PTPRN2: variants seen among roughly 807,000 people sequenced by gnomAD.
PTPRN2 encodes the protein receptor-type tyrosine-protein phosphatase N2.
Under a neutral mutation model 118.8 loss-of-function variants are expected in PTPRN2, and 74 were observed. The observed-to-expected ratio is 0.62, with a 90% CI of 0.52 to 0.76. The LOEUF (loss-of-function observed/expected upper bound fraction) is 0.76, where lower values mean the gene tolerates loss of function less well. Ranked by LOEUF, PTPRN2 falls within the 30% of genes least tolerant of loss-of-function variation. The probability of loss-of-function intolerance (pLI) is 0.00; values close to 1 mark genes in which losing one functional copy is unlikely to be tolerated. For synonymous variants in PTPRN2, 641 were observed against 608.0 expected (o/e 1.05, Z -0.80); for missense variants, 1,481 against 1,394.4 (o/e 1.06, Z -0.99).
chr7:158,251,507 C>T (rs1482875739), intron 3 of PTPRN2, among the ~76,000 whole-genome samples: 2 of 144,568 alleles, frequency 1.4e-5, no homozygotes, highest in Non-Finnish European at 3.0e-5. Flanking sequence ...TGCAGGTGTG[C>T]AATGGATGTA....
intron 2 of PTPRN2, among the ~76,000 whole-genome samples, chr7:158,345,281 A>G (rs1164951743): frequency 2.0e-5 from 3 of 152,224 alleles, no homozygotes; most frequent in Non-Finnish European, 4.4e-5. Flanking sequence ...CTCCTGGCCA[A>G]CGGGAAGACA....
intron 3 of PTPRN2, among the ~76,000 whole-genome samples, chr7:158,305,502 C>T (rs1044186870): frequency 2.0e-5 from 3 of 152,016 alleles, no homozygotes; most frequent in African/African-American, 4.8e-5. Context: ...ATAAAACAGA[C>T]GGAGCAACTA....
intron 11 of PTPRN2, among the ~76,000 whole-genome samples, chr7:157,960,631 C>T (rs1024195719): frequency 6.6e-6 from 1 of 152,142 alleles, no homozygotes; most frequent in African/African-American, 2.4e-5. Flanking sequence ...AAAAATTATT[C>T]ATCCGTTAAA....
rs757284599 is a variant in PTPRN2, at chr7:158,226,689, TTTC to T, written c.278-21419_278-21417del. On this transcript the variant is annotated intron_variant, in intron 3 of 22. Coordinates refer to ENST00000389418, the MANE Select transcript of PTPRN2 (RefSeq NM_002847.5). ...AGCGCTTCCCTTTTTTTTTTTTTTT[TTTC>T]CGGTGGTATCCAAGAGTAAGATATG... Among the ~76,000 whole-genome samples the T allele has an allele frequency of 1.7e-3, 74 of 43,142 alleles. 1 individual carries two copies. The highest frequency in any genetic ancestry group is 0.011 in the African/African-American group (54 of 4,740). 28.3% of individuals were successfully genotyped at this position (43,142 alleles called of 152,430 possible). A position where few individuals can be genotyped will look rare whatever the true frequency, so the allele number is the denominator to read the frequency against.
At chr7:157,670,594 G>T (rs554325431) in intron 13 of PTPRN2, among the ~76,000 whole-genome samples, 1 of 152,296 alleles carries the variant, frequency 6.6e-6, no homozygotes, top group Non-Finnish European at 1.5e-5. Context: ...TGTCATGGGA[G>T]ACCCCAGTCA....
intron 2 of PTPRN2, among the ~76,000 whole-genome samples, chr7:158,351,886 G>A (rs1477520351): frequency 1.3e-5 from 1 of 76,538 alleles, no homozygotes; most frequent in Non-Finnish European, 2.9e-5. Context: ...CCTCCTGTCT[G>A]CTCGCCTCCT....
chr7:158,171,332 T>C lies in PTPRN2; in HGVS notation c.550-4041A>G, dbSNP rs1448893544. ...ACATATATATATATATATATATATA[T>C]ATATATATATATATATACACACACA... On this transcript the variant is annotated intron_variant, in intron 5 of 22. Coordinates refer to ENST00000389418, the MANE Select transcript of PTPRN2 (RefSeq NM_002847.5). Among the ~76,000 whole-genome samples the C allele has an allele frequency of 3.7e-3, 451 of 122,534 alleles. 17 individuals carry two copies. Among genetic ancestry groups the C allele is most frequent in the African/African-American group, 4.7e-3 (140 of 29,884 alleles). The allele number at this position is 122,534 out of a possible 152,430, so 80.4% of individuals were successfully genotyped here.
intron 12 of PTPRN2, among the ~76,000 whole-genome samples, chr7:157,855,055 TGTGGG>T (rs2151214895): frequency 7.6e-6 from 1 of 131,232 alleles, no homozygotes; most frequent in South Asian, 2.6e-4. Context: ...CAGGGGTGTG[TGTGGG>T]GCTGGATCGG....
chr7:158,425,268 C>A (rs796786441), intron 2 of PTPRN2, among the ~76,000 whole-genome samples: 1 of 4,604 alleles, frequency 2.2e-4, no homozygotes, highest in African/African-American at 1.0e-3. Flanking sequence ...GACGCGGGGT[C>A]CGAGACCAGC....
chr7:158,023,514 A>G (rs1299864988), intron 11 of PTPRN2, among the ~76,000 whole-genome samples: 1 of 152,182 alleles, frequency 6.6e-6, no homozygotes, highest in African/African-American at 2.4e-5. Context: ...AAACACGCAC[A>G]TTCTGCAGCA....
In PTPRN2 at chr7:157,621,377, G is replaced by GGTTCCCACTCCTGTCACCCT. The variant is rs1554507501; in HGVS notation, c.2328_2329insAGGGTGACAGGAGTGGGAAC (p.Leu777ArgfsTer11). ...TGGTACGTACAGGTCAGCACGGCCAGGGAGCGGTTCTTGGGCACGTTCTCC... is the reference window on the plus strand; with the variant it reads ...TGGTACGTACAGGTCAGCACGGCCAGGTTCCCACTCCTGTCACCCTGGAGCGGTTCTTGGGCACGTTCTCC... On this transcript the variant is annotated frameshift_variant, in exon 15 of 23. Coordinates refer to ENST00000389418, the MANE Select transcript of PTPRN2 (RefSeq NM_002847.5). LOFTEE classifies it high-confidence loss of function. 6.3e-7 allele frequency: 1 copy of GGTTCCCACTCCTGTCACCCT among 1,599,662 alleles called. No homozygotes were observed.
intron 2 of PTPRN2, among the ~76,000 whole-genome samples, chr7:158,431,455 C>CACACACTGGCTCACACTG (rs151148859): frequency 7.1e-5 from 10 of 139,932 alleles, no homozygotes; most frequent in African/African-American, 2.5e-4. Context: ...CTGCCTCACA[C>CACACACTGGCTCACACTG]GACACACACT....
At chr7:158,161,195 T>C (rs1386119258) in intron 6 of PTPRN2, among the ~76,000 whole-genome samples, 5 of 152,158 alleles carry the variant, frequency 3.3e-5, no homozygotes, top group African/African-American at 1.2e-4. Flanking sequence ...TCCCAGCAAG[T>C]CATTTTTTGG....
intron 14 of PTPRN2, among the ~76,000 whole-genome samples, chr7:157,653,306 C>G (rs544375437): frequency 1.2e-4 from 18 of 152,330 alleles, no homozygotes; most frequent in Admixed American, 1.0e-3. Context: ...TCTGACCATC[C>G]TGCCATCCTC....
In PTPRN2 at chr7:157,801,035, A is replaced by G. The variant is rs1267952766; in HGVS notation, c.1788+97638T>C. ...CATATACACACACATATATATACAC[A>G]TATATATACACATATATACACATAT... is the stretch of plus-strand genomic sequence containing the variant. On this transcript the variant is annotated intron_variant, in intron 12 of 22. Coordinates refer to ENST00000389418, the MANE Select transcript of PTPRN2 (RefSeq NM_002847.5). The surrounding 1 kb of genome is among the most constrained non-coding windows in gnomAD (Gnocchi z 4.2). Among the ~76,000 whole-genome samples the G allele has an allele frequency of 1.3e-5, 2 of 148,572 alleles. No individual in the cohort carries two copies. Among genetic ancestry groups the G allele is most frequent in the African/African-American group, 5.0e-5 (2 of 40,376 alleles).
At chr7:157,982,458 C>A (rs1237516230) in intron 11 of PTPRN2, among the ~76,000 whole-genome samples, 1 of 140,650 alleles carries the variant, frequency 7.1e-6, no homozygotes, top group Non-Finnish European at 1.5e-5. Context: ...CAGGGTCCCC[C>A]CAAACCCTGA....
Position 158,559,781 on chromosome 7 carries a change from AAAG to A in PTPRN2, c.112+27774_112+27776del, listed in dbSNP as rs565783019. Among the ~76,000 whole-genome samples, 220 of 152,350 alleles carry A rather than the reference AAAG, an allele frequency of 1.4e-3. 2 individuals carry two copies. The highest frequency in any genetic ancestry group is 5.1e-3 in the African/African-American group (212 of 41,582). On this transcript the variant is annotated intron_variant, in intron 1 of 22. Transcript: ENST00000389418. ...CCAGGGACCCTGGAAGGCCTGGAGC[AAAG>A]AAGGTCATCTGAGAGGTGAGGCGAT... is the stretch of plus-strand genomic sequence containing the variant.
At chr7:158,241,557 A>T (rs1333861789) in intron 3 of PTPRN2, among the ~76,000 whole-genome samples, 2 of 152,082 alleles carry the variant, frequency 1.3e-5, no homozygotes, top group African/African-American at 2.4e-5. Context: ...TTTAAATTTT[A>T]AAAAAATCCT....
At chr7:158,441,370 G>A (rs1008345137) in intron 2 of PTPRN2, among the ~76,000 whole-genome samples, 12 of 147,554 alleles carry the variant, frequency 8.1e-5, no homozygotes, top group South Asian at 2.2e-4. Context: ...GATGGCAGTG[G>A]TGGCAGTGGT....
Sources: allele counts gnomAD v4.1 joint callset (sites outside exome capture counted in the v4.1 genomes callset), GRCh38; gene constraint gnomAD v4.1.1; non-coding constraint Gnocchi (gnomAD v3.1); transcripts MANE v1.5; gene names NCBI Gene and HGNC (gene_info 2026-07-23, HGNC 2026-07-21).